The following INTS6 variants were observed in gnomAD, a reference collection of about 807,000 sequenced individuals.
INTS6 encodes the protein DEAD box protein.
Under a neutral mutation model 104.9 loss-of-function variants are expected in INTS6, and 16 were observed. That is an observed-to-expected ratio of 0.15 (90% CI 0.10 to 0.23). The LOEUF (loss-of-function observed/expected upper bound fraction) is 0.23, where lower values mean the gene tolerates loss of function less well. INTS6 is among the 10% of genes least tolerant of loss of function. The pLI, the probability that INTS6 is intolerant of heterozygous loss-of-function variation, is 1.00. For missense variants in INTS6, 584 were observed against 1,062.8 expected (o/e 0.55, Z 6.26); for synonymous variants, 324 against 358.7 (o/e 0.90, Z 1.09).
rs978568852 is a variant in INTS6, at chr13:51,406,332, A to G, written c.430-10849T>C. On this transcript the variant is annotated intron_variant, in intron 4 of 17. Transcript: ENST00000311234. ...GCTCAAAGGGTATGTCAAACTAAAC[A>G]TGTTCAAAACTGAACTTAAGATTTT... 4.6e-5 allele frequency among the ~76,000 whole-genome samples: 7 copies of G among 152,126 alleles called. No individual in the cohort carries two copies. In the South Asian group the frequency reaches 8.3e-4, roughly 18 times the overall value.
chr13:51,358,584 G>A (rs1189970485), downstream of INTS6, among the ~76,000 whole-genome samples: 1 of 152,148 alleles, frequency 6.6e-6, no homozygotes, highest in African/African-American at 2.4e-5. Flanking sequence ...CATTCGTATA[G>A]TGGTAAGGGG....
In INTS6 at chr13:51,384,616, T is replaced by C. The variant is rs1956106741; in HGVS notation, c.895-875A>G. ...AGACACAATATGTACAATTTGTTTC[T>C]TCTCCCCCAAGCTACAAAACCTGTT... On this transcript the variant is annotated intron_variant, in intron 7 of 17. Coordinates refer to ENST00000311234, the MANE Select transcript of INTS6 (RefSeq NM_012141.3). 4.4e-6 allele frequency: 2 copies of C among 456,554 alleles called. 1 individual carries two copies. The highest frequency in any genetic ancestry group is 3.1e-5 in the South Asian group (2 of 64,562). 28.3% of individuals were successfully genotyped at this position (456,554 alleles called of 1,614,324 possible). A position where few individuals can be genotyped will look rare whatever the true frequency, so the allele number is the denominator to read the frequency against.
chr13:51,361,522 T>C, downstream of INTS6: 1 of 610,670 alleles, frequency 1.6e-6, no homozygotes, highest in African/African-American at 1.9e-5. Flanking sequence ...ACAAAAAGTT[T>C]TTGAAAAATG....
chr13:51,380,628 TCTC>T (rs1956028877), intron 10 of INTS6, among the ~76,000 whole-genome samples: 1 of 152,180 alleles, frequency 6.6e-6, no homozygotes, highest in Non-Finnish European at 1.5e-5. Context: ...AAGAAATTAA[TCTC>T]CTAATTATAT....
In INTS6 at chr13:51,361,637, A is replaced by G. The variant is rs1955577714; in HGVS notation, c.*4115T>C. 4.8e-6 allele frequency: 3 copies of G among 620,176 alleles called. No homozygotes were observed. Among genetic ancestry groups the G allele is most frequent in the Non-Finnish European group, 8.2e-6 (3 of 364,528 alleles). 38.4% of individuals were successfully genotyped at this position (620,176 alleles called of 1,614,324 possible). A position where few individuals can be genotyped will look rare whatever the true frequency, so the allele number is the denominator to read the frequency against. Reference sequence around the variant, plus strand: ...TTGAAAACAGGAGACAGGATTGGCTAAATGGCATCTTTTCTCTTTAATTTT... The same window carrying G: ...TTGAAAACAGGAGACAGGATTGGCTGAATGGCATCTTTTCTCTTTAATTTT... On this transcript the variant is annotated 3_prime_UTR_variant, in exon 18 of 18. Transcript: ENST00000311234.
chr13:51,406,815 G>A (rs183113337), intron 4 of INTS6, among the ~76,000 whole-genome samples: 22 of 152,078 alleles, frequency 1.4e-4, no homozygotes, highest in Admixed American at 1.2e-3. Flanking sequence ...GTGGTCCACA[G>A]GCTGCATGTA....
At chr13:51,406,307 G>A (rs910484200) in intron 4 of INTS6, among the ~76,000 whole-genome samples, 2 of 152,004 alleles carry the variant, frequency 1.3e-5, no homozygotes, top group African/African-American at 4.8e-5. Flanking sequence ...CCCCTGAATG[G>A]CTCAAAGGGT....
downstream of INTS6, among the ~76,000 whole-genome samples, chr13:51,359,941 G>A (rs935956063): frequency 2.0e-5 from 3 of 152,012 alleles, no homozygotes; most frequent in Non-Finnish European, 4.4e-5. Context: ...TTTAGGACAA[G>A]TGACACTAGT....
At chr13:51,386,279 G>A (rs1956140088) in intron 7 of INTS6, among the ~76,000 whole-genome samples, 2 of 152,120 alleles carry the variant, frequency 1.3e-5, no homozygotes, top group Non-Finnish European at 2.9e-5. Flanking sequence ...CTCAGGTACT[G>A]TATGTTCTCC....
chr13:51,376,733 C>T (rs1955939519), intron 12 of INTS6, among the ~76,000 whole-genome samples: 1 of 152,116 alleles, frequency 6.6e-6, no homozygotes, highest in Non-Finnish European at 1.5e-5. Flanking sequence ...TTGTACTTGG[C>T]TTCTTTCAAT....
intron 4 of INTS6, among the ~76,000 whole-genome samples, chr13:51,429,785 A>AAAAAAAAAAAAAATATAT (rs1156333077): frequency 4.3e-5 from 4 of 92,352 alleles, no homozygotes; most frequent in Non-Finnish European, 7.9e-5. Flanking sequence ...AAAAAAAAAA[A>AAAAAAAAAAAAAATATAT]ATATATATAT....
At chr13:51,449,475 G>C (rs779035657) in intron 3 of INTS6, 11 of 985,320 alleles carry the variant, frequency 1.1e-5, no homozygotes, top group Non-Finnish European at 1.3e-5. Flanking sequence ...TTTTTCGAAG[G>C]AAGCAATCTT....
At chr13:51,345,616 A>AG in the INTS6 span, among the ~76,000 whole-genome samples, 1 of 150,588 alleles carries the variant, frequency 6.6e-6, no homozygotes. Context: ...AAAAAAAAAA[A>AG]GCAGAATAGG....
chr13:51,410,327 G>T (rs1055099739), intron 4 of INTS6, among the ~76,000 whole-genome samples: 1 of 152,096 alleles, frequency 6.6e-6, no homozygotes, highest in African/African-American at 2.4e-5. Context: ...TTCAAAACTC[G>T]TTATAAAACC....
chr13:51,341,534 A>G, the INTS6 span, among the ~76,000 whole-genome samples: 3 of 152,298 alleles, frequency 2.0e-5, no homozygotes, highest in Non-Finnish European at 4.4e-5. Flanking sequence ...TCAGCTCCCT[A>G]TGGTGTGCAC....
chr13:51,445,634 C>T (rs528875151), intron 3 of INTS6: 1 of 152,290 alleles, frequency 6.6e-6, no homozygotes, highest in South Asian at 2.1e-4. Context: ...AATGTGAATG[C>T]TCAATGTTAC....
chr13:51,423,105 T>C (rs759550079), intron 4 of INTS6: 39 of 1,242,208 alleles, frequency 3.1e-5, no homozygotes, highest in South Asian at 5.2e-5. Context: ...AACATAAATA[T>C]AGAACTAAAT....
intron 4 of INTS6, among the ~76,000 whole-genome samples, chr13:51,415,945 A>T (rs1051026819): frequency 6.6e-6 from 1 of 152,218 alleles, no homozygotes; most frequent in Non-Finnish European, 1.5e-5. Flanking sequence ...AATTAAAACA[A>T]AACAAAAAGC....
At chr13:51,346,511 T>G in the INTS6 span, among the ~76,000 whole-genome samples, 2 of 152,144 alleles carry the variant, frequency 1.3e-5, no homozygotes, top group Non-Finnish European at 2.9e-5. Context: ...TAAACACATA[T>G]CAATTTGCAA....
Sources: gnomAD v4.1 joint callset for allele counts (sites outside exome capture counted in the v4.1 genomes callset) on GRCh38, gnomAD v4.1.1 for gene constraint, MANE v1.5 for transcripts, NCBI Gene and HGNC (gene_info 2026-07-23, HGNC 2026-07-21) for gene names.